The following CHD3 variants were observed in gnomAD, a reference collection of about 807,000 sequenced individuals.
CHD3 encodes the protein chromodomain helicase DNA binding protein 3, also known as ATP-dependent chromatin remodeler CHD3.
Under a neutral mutation model 248.9 loss-of-function variants are expected in CHD3, and 52 were observed. That is an observed-to-expected ratio of 0.21 (90% CI 0.17 to 0.26). The LOEUF (loss-of-function observed/expected upper bound fraction) is 0.26, where lower values mean the gene tolerates loss of function less well. CHD3 is among the 10% of genes least tolerant of loss of function. The pLI, the probability that CHD3 is intolerant of heterozygous loss-of-function variation, is 1.00. For synonymous variants in CHD3, 985 were observed against 985.2 expected, an observed-to-expected ratio of 1.00 and a Z score of 0.00; for missense variants, 1,482 against 2,605.8, an observed-to-expected ratio of 0.57 and a Z score of 9.39.
Position 7,889,555 on chromosome 17 carries a change from A to T in CHD3, c.101-109A>T. On this transcript the variant is annotated intron_variant, in intron 1 of 39. Transcript: ENST00000330494. The surrounding 1 kb of genome is among the most constrained non-coding windows in gnomAD (Gnocchi z 4.5). ...AAGGGAGGCAGGGCTTGGAGGAGTT[A>T]ATGCTTCCTAGAGAGTGGGAACTGC... 3 of 840,664 alleles carry T rather than the reference A, an allele frequency of 3.6e-6. No homozygotes were observed. The highest frequency in any genetic ancestry group is 1.7e-5 in the African/African-American group (1 of 58,106). 52.1% of individuals were successfully genotyped at this position (840,664 alleles called of 1,614,324 possible).
chr17:7,892,099 G>A (rs540786403), intron 4 of CHD3, among the ~76,000 whole-genome samples: 18 of 152,326 alleles, frequency 1.2e-4, no homozygotes, highest in African/African-American at 1.9e-4. Flanking sequence ...GCACAGTACC[G>A]TCAGTGCCTG....
Position 7,899,233 on chromosome 17 carries a change from G to A in CHD3, c.2343+31G>A, listed in dbSNP as rs771228966. 1.2e-6 allele frequency: 2 copies of A among 1,605,754 alleles called. No homozygotes were observed. The highest frequency in any genetic ancestry group is 1.3e-5 in the African/African-American group (1 of 74,748). ...GGATTCTAGGACCTTGAAGGGGACC[G>A]CCTGGACTGGGGAAGTGGGGAGGGG... On this transcript the variant is annotated intron_variant, in intron 14 of 39. Coordinates refer to ENST00000330494, the MANE Select transcript of CHD3 (RefSeq NM_001005273.3). The surrounding 1 kb of genome is among the most constrained non-coding windows in gnomAD (Gnocchi z 6.8).
chr17:7,910,647 A>C lies in CHD3; in HGVS notation c.5754+56A>C, dbSNP rs1435579958. The C allele has an allele frequency of 6.4e-7, 1 of 1,564,782 alleles. No individual in the cohort carries two copies. Among genetic ancestry groups the C allele is most frequent in the African/African-American group, 1.4e-5 (1 of 73,756 alleles). On this transcript the variant is annotated intron_variant, in intron 38 of 39. Coordinates refer to ENST00000330494, the MANE Select transcript of CHD3 (RefSeq NM_001005273.3). This position sits in a 1 kb window ranked among gnomAD's most constrained non-coding sequence, Gnocchi z 4.7. ...CCCTGTTTGTGTTCCTCCTGCACAC[A>C]TACAAACACTTCCATCAGAATCCTA...
rs112056352 is a variant in CHD3 at position 7,903,218 on chromosome 17, G to C, written c.3496-54G>C. 2,654 of 1,590,422 alleles carry C rather than the reference G, an allele frequency of 1.7e-3. 37 individuals carry two copies. In the African/African-American group the frequency reaches 0.025, roughly 15 times the overall value. ...CTTTCCTGAGGCAGCTCTATGGGCA[G>C]CTTCTCCCCGGCCACTCCCCTGACC... On this transcript the variant is annotated intron_variant, in intron 22 of 39. Transcript: ENST00000330494. The surrounding 1 kb of genome is among the most constrained non-coding windows in gnomAD (Gnocchi z 6.8).
intron 10 of CHD3, among the ~76,000 whole-genome samples, chr17:7,896,439 C>T (rs1392840907): frequency 2.9e-5 from 4 of 136,866 alleles, no homozygotes; most frequent in Admixed American, 2.3e-4. Flanking sequence ...GAGTTTCGCT[C>T]TTGTTGCCTA....
chr17:7,911,358 C>T lies in CHD3; in HGVS notation c.5882-106C>T, dbSNP rs918528497. 7.7e-6 allele frequency: 12 copies of T among 1,558,718 alleles called. No homozygotes were observed. Among genetic ancestry groups the T allele is most frequent in the African/African-American group, 4.1e-5 (3 of 73,702 alleles). Reference sequence around the variant, plus strand: ...GTCTTCCCTCCCTCACGTGGGACAACGGGAAGTGGCAGGAGGTGACCTAGA... The same window carrying T: ...GTCTTCCCTCCCTCACGTGGGACAATGGGAAGTGGCAGGAGGTGACCTAGA... On this transcript the variant is annotated intron_variant, in intron 39 of 39. Transcript: ENST00000330494. The surrounding 1 kb of genome is among the most constrained non-coding windows in gnomAD (Gnocchi z 5.4).
chr17:7,911,472 A>G lies in CHD3; in HGVS notation c.5890A>G (p.Asn1964Asp). Residue 1964 changes from asparagine to aspartate, a missense_variant, in exon 40 of 40, where the codon AAC becomes GAC. Transcript: ENST00000330494. The surrounding 1 kb of genome is among the most constrained non-coding windows in gnomAD (Gnocchi z 5.4). ...ACCCCTTTCCCAAACAGCCGCCACC[A>G]ACGGCCCTCCAGTGCTTGTGAAGAA... Reference protein sequence around the residue: ...PAGSFITAATNGPPVLVKKEK... With the variant: ...PAGSFITAATDGPPVLVKKEK... 1 of 1,614,122 alleles carries G rather than the reference A, an allele frequency of 6.2e-7. No homozygotes were observed. The highest frequency in any genetic ancestry group is 2.2e-5 in the East Asian group (1 of 44,870).
intron 19 of CHD3, 113 bp downstream of exon 19, chr17:7,901,106 C>T (rs1407445683): frequency 9.9e-6 from 15 of 1,510,438 alleles, no homozygotes; most frequent in Admixed American, 2.0e-5. Flanking sequence ...TGGAAGGCCA[C>T]GGACTGGGTG....
rs1041791147 is a variant in CHD3 at position 7,889,453 on chromosome 17, C to T, written c.101-211C>T. Among the ~76,000 whole-genome samples, 1 of 152,212 alleles carries T rather than the reference C, an allele frequency of 6.6e-6. No individual in the cohort carries two copies. Among genetic ancestry groups the T allele is most frequent in the African/African-American group, 2.4e-5 (1 of 41,464 alleles). ...GGAGGGGAGTGGTTTGGCTGCTCTT[C>T]TCTTCTGACCCCTGACCTCCCATTC... On this transcript the variant is annotated intron_variant, in intron 1 of 39. Coordinates refer to ENST00000330494, the MANE Select transcript of CHD3 (RefSeq NM_001005273.3). This position sits in a 1 kb window ranked among gnomAD's most constrained non-coding sequence, Gnocchi z 4.5.
Position 7,903,517 on chromosome 17 carries a change from C to T in CHD3, c.3727+14C>T. The T allele has an allele frequency of 6.3e-7, 1 of 1,597,562 alleles. No homozygotes were observed. The highest frequency in any genetic ancestry group is 1.1e-5 in the South Asian group (1 of 89,764). On this transcript the variant is annotated intron_variant, in intron 23 of 39. Transcript: ENST00000330494. The surrounding 1 kb of genome is among the most constrained non-coding windows in gnomAD (Gnocchi z 6.8). ...ATGAAAACGAGGGTGAGAACCTTTTCTGCAGCTCTGTGAAAGCAGGCCCCT... is the reference window on the plus strand; with the variant it reads ...ATGAAAACGAGGGTGAGAACCTTTTTTGCAGCTCTGTGAAAGCAGGCCCCT...
intron 10 of CHD3, 128 bp from the exon 11 acceptor site, chr17:7,896,955 G>T: frequency 1.3e-6 from 1 of 759,120 alleles, no homozygotes. Flanking sequence ...CACCGTGCCT[G>T]GGCCAATCCA....
At position 7,899,134 on chromosome 17, in the gene CHD3, C is replaced by G. The variant is rs2151561297; in HGVS notation, c.2275C>G (p.Leu759Val). The change falls in exon 14 of 40, where the codon CTA becomes GTA. Residue 759 changes from leucine (L) to valine (V), a missense_variant. Physicochemically the swap from Leu to Val is conservative, Grantham distance 32. Coordinates refer to ENST00000330494, the MANE Select transcript of CHD3 (RefSeq NM_001005273.3). The surrounding 1 kb of genome is among the most constrained non-coding windows in gnomAD (Gnocchi z 6.8). Reference sequence around the variant, plus strand: ...CTGGGCCCAGGGCACTGACACCATTCTAGCTGATGAGATGGGGCTAGGCAA... The same window carrying G: ...CTGGGCCCAGGGCACTGACACCATTGTAGCTGATGAGATGGGGCTAGGCAA... Reference protein sequence around the residue: ...FSWAQGTDTILADEMGLGKTI... With the variant: ...FSWAQGTDTIVADEMGLGKTI... 1 of 1,614,142 alleles carries G rather than the reference C, an allele frequency of 6.2e-7. No homozygotes were observed. The highest frequency in any genetic ancestry group is 1.7e-5 in the Admixed American group (1 of 60,000).
Position 7,903,681 on chromosome 17 carries a change from A to G in CHD3, c.3728-144A>G, listed in dbSNP as rs1970568240. On this transcript the variant is annotated intron_variant, in intron 23 of 39. Transcript: ENST00000330494. This position sits in a 1 kb window ranked among gnomAD's most constrained non-coding sequence, Gnocchi z 6.8. Reference sequence around the variant, plus strand: ...TTCTTTGCCTGTAGGGTTAAAACAAACAAAACAAAAACCTTTCAACATTGG... The same window carrying G: ...TTCTTTGCCTGTAGGGTTAAAACAAGCAAAACAAAAACCTTTCAACATTGG... The G allele has an allele frequency of 9.0e-7, 1 of 1,107,082 alleles. No individual in the cohort carries two copies. The highest frequency in any genetic ancestry group is 2.8e-5 in the Admixed American group (1 of 36,120). 68.6% of individuals were successfully genotyped at this position (1,107,082 alleles called of 1,614,324 possible). A position where few individuals can be genotyped will look rare whatever the true frequency, so the allele number is the denominator to read the frequency against.
rs909359960 is a variant in CHD3, at chr17:7,904,154, G to A, written c.3894+163G>A. On this transcript the variant is annotated intron_variant, in intron 24 of 39. Coordinates refer to ENST00000330494, the MANE Select transcript of CHD3 (RefSeq NM_001005273.3). The surrounding 1 kb of genome is among the most constrained non-coding windows in gnomAD (Gnocchi z 4.4). Reference sequence around the variant, plus strand: ...GTGAGACTGGACTTCAGAGAGAAACGTAGGCACAGACAGTACTGGTAAACA... The same window carrying A: ...GTGAGACTGGACTTCAGAGAGAAACATAGGCACAGACAGTACTGGTAAACA... The A allele has an allele frequency of 5.5e-5, 39 of 707,960 alleles. No homozygotes were observed. The highest frequency in any genetic ancestry group is 7.0e-5 in the Non-Finnish European group (30 of 428,700). 43.9% of individuals were successfully genotyped at this position (707,960 alleles called of 1,614,324 possible).
At chr17:7,884,942 G>T (rs1236229482), upstream of CHD3, 1 of 1,365,744 alleles carries the variant, frequency 7.3e-7, no homozygotes, top group South Asian at 1.6e-5. Context: ...CGATGAGGAG[G>T]ACGACGACGA....
Position 7,894,931 on chromosome 17 carries a change from C to T in CHD3, c.1284C>T (p.Val428=). 6.2e-7 allele frequency: 1 copy of T among 1,612,500 alleles called. No individual in the cohort carries two copies. The highest frequency in any genetic ancestry group is 8.5e-7 in the Non-Finnish European group (1 of 1,179,406). The stretch of plus-strand genomic sequence containing the variant: ...TGGCCCCCTAGGAGAAGGAGGGGGT[C>T]CAGTGGGAGGCCAAGGAGGAAGAAG... The part of the protein sequence containing the change: ...WSCPHCEKEG[V]QWEAKEEEEE... The change falls in exon 9 of 40, where the codon GTC becomes GTT. Residue 428 remains valine, a synonymous_variant. Transcript: ENST00000330494.
At chr17:7,887,413 C>T (rs1277003738), upstream of CHD3, among the ~76,000 whole-genome samples, 1 of 143,490 alleles carries the variant, frequency 7.0e-6, no homozygotes, top group Non-Finnish European at 1.5e-5. Flanking sequence ...CCTCCCCCTT[C>T]TGGCAAGTCG....
chr17:7,898,896 G>A, intron 13 of CHD3, 115 bp from the exon 14 acceptor site: 1 of 947,276 alleles, frequency 1.1e-6, no homozygotes, highest in Non-Finnish European at 1.7e-6. Flanking sequence ...TGTAAACTCA[G>A]GCCATAGTAG....
At position 7,911,708 on chromosome 17, in the gene CHD3, C is replaced by A; in HGVS notation, c.*123C>A. On this transcript the variant is annotated 3_prime_UTR_variant, in exon 40 of 40. Coordinates refer to ENST00000330494, the MANE Select transcript of CHD3 (RefSeq NM_001005273.3). The surrounding 1 kb of genome is among the most constrained non-coding windows in gnomAD (Gnocchi z 5.4). ...CCTTGGGCCATCACTGGGCTAGGAA[C>A]CCCTTTGCCCCTCTCTGCAGCTCCT... 6.4e-7 allele frequency: 1 copy of A among 1,562,470 alleles called. No individual in the cohort carries two copies.
Sources: gnomAD v4.1 joint callset for allele counts (sites outside exome capture counted in the v4.1 genomes callset) on GRCh38, gnomAD v4.1.1 for gene constraint, Gnocchi (gnomAD v3.1) non-coding constraint, MANE v1.5 for transcripts, NCBI Gene and HGNC (gene_info 2026-07-23, HGNC 2026-07-21) for gene names.